Variants in VPS13B observed in about 807,000 individuals in gnomAD.
The protein encoded by VPS13B is vacuolar protein sorting 13 homolog B, also known as intermembrane lipid transfer protein VPS13B.
A neutral mutation model predicts 426.4 loss-of-function variants in VPS13B; 285 were observed. That is an observed-to-expected ratio of 0.67 (90% confidence interval 0.61 to 0.74). VPS13B has a LOEUF of 0.74. VPS13B is among the 30% of genes least tolerant of loss of function. The pLI, the probability that VPS13B is intolerant of heterozygous loss-of-function variation, is 0.00. For missense variants in VPS13B, 4,537 were observed against 4,782.6 expected (o/e 0.95, Z 1.51); for synonymous variants, 1,676 against 1,676.4 (o/e 1.00, Z 0.01).
At chr8:99,292,854 T>A (rs1429005773) in intron 19 of VPS13B, among the ~76,000 whole-genome samples, 1 of 152,188 alleles carries the variant, frequency 6.6e-6, no homozygotes, top group African/African-American at 2.4e-5. Flanking sequence ...TTATTTTGAA[T>A]CAGAACTACT....
In VPS13B at chr8:99,819,011, T is replaced by C. The variant is rs894102242; in HGVS notation, c.8621+123T>C. 3.2e-6 allele frequency: 3 copies of C among 950,732 alleles called. No homozygotes were observed. The African/African-American group carries it at 5.0e-5, about 16-fold the overall frequency. The allele number at this position is 950,732 out of a possible 1,614,324, so 58.9% of individuals were successfully genotyped here. ...GGGAGATGGGAGTGGAGGGAGTTTT[T>C]TGTATGATTTCTTATCTTATGAGAA... is the stretch of plus-strand genomic sequence containing the variant. On this transcript the variant is annotated intron_variant, in intron 47 of 61. Coordinates refer to ENST00000357162, the MANE Select transcript of VPS13B (RefSeq NM_152564.5).
At chr8:99,841,599 TTGCTC>T (rs1309284849) in intron 54 of VPS13B, among the ~76,000 whole-genome samples, 1 of 152,208 alleles carries the variant, frequency 6.6e-6, no homozygotes, top group Non-Finnish European at 1.5e-5. Context: ...AGAGGTGAAC[TTGCTC>T]AGGATAAATG....
chr8:99,711,237 G>A (rs1588645431), intron 36 of VPS13B, among the ~76,000 whole-genome samples: 1 of 152,268 alleles, frequency 6.6e-6, no homozygotes, highest in East Asian at 1.9e-4. Context: ...GACAAGGAAG[G>A]CACATGGGGA....
intron 16 of VPS13B, among the ~76,000 whole-genome samples, chr8:99,185,578 T>C (rs1363087139): frequency 6.6e-6 from 1 of 152,186 alleles, no homozygotes; most frequent in Non-Finnish European, 1.5e-5. Context: ...GTTTGTAGGT[T>C]CAAACTTTGC....
chr8:99,195,195 T>C (rs1408764406), intron 17 of VPS13B, among the ~76,000 whole-genome samples: 1 of 152,218 alleles, frequency 6.6e-6, no homozygotes, highest in African/African-American at 2.4e-5. Context: ...CTAACACTTA[T>C]CTTTCATCAT....
intron 30 of VPS13B, among the ~76,000 whole-genome samples, chr8:99,540,111 A>T (rs57190413): frequency 0.19 from 16,960 of 88,972 alleles, 1,823 homozygotes; most frequent in East Asian, 0.44. Flanking sequence ...ACGGAGTCTC[A>T]CTTTGTCGCC....
intron 39 of VPS13B, among the ~76,000 whole-genome samples, chr8:99,746,892 A>T (rs1384022151): frequency 1.3e-5 from 2 of 152,128 alleles, no homozygotes; most frequent in Admixed American, 1.3e-4. Context: ...CTAGCAAATA[A>T]TTTATTTCAG....
chr8:99,415,574 G>C (rs992979052), intron 21 of VPS13B, among the ~76,000 whole-genome samples: 7 of 152,046 alleles, frequency 4.6e-5, no homozygotes, highest in South Asian at 4.2e-4. Flanking sequence ...CTTTGATGTT[G>C]GTGACCTTTA....
chr8:99,307,765 T>G (rs1424066787), intron 19 of VPS13B, among the ~76,000 whole-genome samples: 1 of 152,176 alleles, frequency 6.6e-6, no homozygotes, highest in Non-Finnish European at 1.5e-5. Flanking sequence ...TTAGTTCTGC[T>G]CTGACTTTTA....
At chr8:99,833,330 A>G (rs113950586) in intron 52 of VPS13B, among the ~76,000 whole-genome samples, 207 of 152,344 alleles carry the variant, frequency 1.4e-3, no homozygotes, top group African/African-American at 4.7e-3. Flanking sequence ...GTCAAGAATA[A>G]CTTAGTATAT....
chr8:99,735,844 G>A (rs1833803755), intron 39 of VPS13B, among the ~76,000 whole-genome samples: 1 of 152,152 alleles, frequency 6.6e-6, no homozygotes, highest in African/African-American at 2.4e-5. Context: ...ATTATGGACT[G>A]GGGGGTGGAA....
At chr8:99,289,350 C>T (rs939366157) in intron 19 of VPS13B, among the ~76,000 whole-genome samples, 1 of 152,034 alleles carries the variant, frequency 6.6e-6, no homozygotes, top group Non-Finnish European at 1.5e-5. Flanking sequence ...AAGTATTTTT[C>T]AGTGTATCTA....
At chr8:99,731,084 A>G (rs1833580497) in intron 39 of VPS13B, among the ~76,000 whole-genome samples, 2 of 152,184 alleles carry the variant, frequency 1.3e-5, no homozygotes, top group Non-Finnish European at 2.9e-5. Context: ...AGGGCAGAAC[A>G]TATTTCTGGG....
chr8:99,507,194 A>C lies in VPS13B; in HGVS notation c.4215A>C (p.Glu1405Asp), dbSNP rs1821547449. ...AAGGAGTATTTCTACAATGCAAAGA[A>C]AAATCTGTGGTGAGACCCATTTAGT... ...HFEGVFLQCKEKSVTTTKLLD... is the reference protein window; with the variant it reads ...HFEGVFLQCKDKSVTTTKLLD... Residue 1405 changes from glutamate (E) to aspartate (D), a missense_variant, in exon 28 of 62, where the codon GAA becomes GAC. By Grantham distance (45) the Glu-to-Asp change is conservative. This residue lies in a region of VPS13B where 4,311 missense variants were observed against 4,474.3 expected (regional missense o/e 0.96). Transcript: ENST00000357162. 1.9e-6 allele frequency: 3 copies of C among 1,613,980 alleles called. No individual in the cohort carries two copies. The highest frequency in any genetic ancestry group is 1.7e-5 in the Admixed American group (1 of 60,006).
chr8:99,627,253 A>T (rs563533614), intron 33 of VPS13B, among the ~76,000 whole-genome samples: 3 of 152,258 alleles, frequency 2.0e-5, no homozygotes, highest in African/African-American at 7.2e-5. Context: ...AAAATAACTA[A>T]GAGACTAAAT....
intron 19 of VPS13B, among the ~76,000 whole-genome samples, chr8:99,307,334 G>T (rs1264756486): frequency 6.6e-6 from 1 of 151,864 alleles, no homozygotes; most frequent in Non-Finnish European, 1.5e-5. Context: ...TTGAAAAATT[G>T]TTAAAAATTA....
In VPS13B at chr8:99,778,874, G is replaced by T. The variant is rs762137925; in HGVS notation, c.7622G>T (p.Ser2541Ile). Residue 2541 changes from serine to isoleucine, a missense_variant, in exon 42 of 62, where the codon AGT becomes ATT. Coordinates refer to ENST00000357162, the MANE Select transcript of VPS13B (RefSeq NM_152564.5). ...GAGTGCAGAAATGTCACTATGCAAAGTGTGGTGAAACCCTTCAGCATCTTC... is the reference window on the plus strand; with the variant it reads ...GAGTGCAGAAATGTCACTATGCAAATTGTGGTGAAACCCTTCAGCATCTTC... ...LLECRNVTMQSVVKPFSIFGQ... is the reference protein window; with the variant it reads ...LLECRNVTMQIVVKPFSIFGQ... The T allele has an allele frequency of 6.2e-7, 1 of 1,613,918 alleles. No individual in the cohort carries two copies. Among genetic ancestry groups the T allele is most frequent in the African/African-American group, 1.3e-5 (1 of 74,930 alleles).
chr8:99,496,461 C>T (rs1820889201), intron 25 of VPS13B, among the ~76,000 whole-genome samples: 1 of 152,082 alleles, frequency 6.6e-6, no homozygotes, highest in Non-Finnish European at 1.5e-5. Flanking sequence ...ACCATCCTGG[C>T]TAACACAGTG....
At chr8:99,253,964 G>A (rs956352304) in intron 17 of VPS13B, among the ~76,000 whole-genome samples, 2 of 152,058 alleles carry the variant, frequency 1.3e-5, no homozygotes, top group African/African-American at 2.4e-5. Context: ...TACTGATATT[G>A]TGTTATTCCA....
Sources: gnomAD v4.1 joint callset for allele counts (sites outside exome capture counted in the v4.1 genomes callset) on GRCh38, gnomAD v4.1.1 for gene constraint, gnomAD v4.1.1 regional missense constraint, MANE v1.5 for transcripts, NCBI Gene and HGNC (gene_info 2026-07-23, HGNC 2026-07-21) for gene names.